Variants in POLK observed in about 807,000 individuals in gnomAD.
POLK encodes the protein DNA polymerase kappa.
Under a neutral mutation model 94.0 loss-of-function variants are expected in POLK, and 76 were observed. That is an observed-to-expected ratio of 0.81 (90% CI 0.67 to 0.98). The LOEUF is 0.98. Ranked by LOEUF, POLK falls within the 50% of genes least tolerant of loss-of-function variation. The pLI is 0.00. For missense variants in POLK, 954 were observed against 1,010.1 expected (o/e 0.94, Z 0.75); for synonymous variants, 349 against 325.4 (o/e 1.07, Z -0.78).
At chr5:75,535,977 G>C (rs935122031) in intron 1 of POLK, among the ~76,000 whole-genome samples, 12 of 152,126 alleles carry the variant, frequency 7.9e-5, no homozygotes, top group African/African-American at 2.9e-4. Context: ...AAGAACCATT[G>C]CCTGGGAACT....
chr5:75,558,757 A>T (rs1320849477), intron 3 of POLK, among the ~76,000 whole-genome samples: 2 of 152,192 alleles, frequency 1.3e-5, no homozygotes, highest in Non-Finnish European at 2.9e-5. Flanking sequence ...ATATTATTTT[A>T]AAATTGATAT....
chr5:75,554,456 TA>T (rs1208037149), intron 3 of POLK, among the ~76,000 whole-genome samples: 2 of 152,010 alleles, frequency 1.3e-5, no homozygotes, highest in African/African-American at 4.8e-5. Flanking sequence ...GTGACTTTTT[TA>T]AAAAAAGATT....
At chr5:75,593,819 G>A (rs749389456) in intron 11 of POLK, 59 bp from the exon 12 acceptor site, 4 of 1,074,662 alleles carry the variant, frequency 3.7e-6, no homozygotes, top group Non-Finnish European at 5.3e-6. Flanking sequence ...CTCCAGCATG[G>A]ACAACAGAGA....
chr5:75,577,987 T>G (rs5744657), intron 6 of POLK, among the ~76,000 whole-genome samples: 2,156 of 152,292 alleles, frequency 0.014, 24 homozygotes, highest in South Asian at 0.048. Flanking sequence ...CTGATGTCAC[T>G]TTGTATAAAA....
chr5:75,582,193 T>C (rs1772227875), intron 7 of POLK: 1 of 909,102 alleles, frequency 1.1e-6, no homozygotes, highest in Non-Finnish European at 1.3e-6. Flanking sequence ...GAAAAACAAA[T>C]TTACATATGT....
chr5:75,593,818 G>A, intron 11 of POLK, 60 bp from the exon 12 acceptor site: 3 of 1,060,138 alleles, frequency 2.8e-6, no homozygotes, highest in Non-Finnish European at 4.1e-6. Context: ...ACTCCAGCAT[G>A]GACAACAGAG....
chr5:75,511,360 C>T (rs1767984353), upstream of POLK: 28 of 1,545,948 alleles, frequency 1.8e-5, no homozygotes, highest in Non-Finnish European at 2.4e-5. Context: ...GAAGTCCGCC[C>T]GCCGCGCCGC....
chr5:75,536,008 A>G (rs1769425984), intron 1 of POLK, among the ~76,000 whole-genome samples: 1 of 152,178 alleles, frequency 6.6e-6, no homozygotes, highest in Admixed American at 6.5e-5. Context: ...TTTGGAGGTA[A>G]GAGGACACTC....
intron 10 of POLK, among the ~76,000 whole-genome samples, chr5:75,588,203 A>C (rs1198701199): frequency 6.6e-6 from 1 of 151,896 alleles, no homozygotes; most frequent in African/African-American, 2.4e-5. Context: ...TGTGTTCTCC[A>C]CTTTTTTTTT....
At chr5:75,585,674 T>C (rs1772432669) in intron 9 of POLK, among the ~76,000 whole-genome samples, 1 of 151,914 alleles carries the variant, frequency 6.6e-6, no homozygotes, top group African/African-American at 2.4e-5. Flanking sequence ...ACCCTAGAGG[T>C]AGAAGGTAAA....
chr5:75,569,115 C>T (rs1771444065), intron 3 of POLK, among the ~76,000 whole-genome samples: 1 of 152,000 alleles, frequency 6.6e-6, no homozygotes, highest in Non-Finnish European at 1.5e-5. Context: ...CATAGATAAA[C>T]ACTTATAAAC....
chr5:75,550,588 TA>T (rs1010725810), intron 2 of POLK, among the ~76,000 whole-genome samples: 9 of 150,530 alleles, frequency 6.0e-5, no homozygotes, highest in African/African-American at 2.2e-4. Flanking sequence ...CAGAAAAAGA[TA>T]AAAAAAAGAG....
intron 1 of POLK, among the ~76,000 whole-genome samples, chr5:75,544,712 A>T (rs1247325674): frequency 1.3e-5 from 2 of 152,220 alleles, no homozygotes; most frequent in African/African-American, 2.4e-5. Flanking sequence ...TATGGGCAAG[A>T]CAGCTTAAAT....
chr5:75,602,098 C>T (rs149610693), downstream of POLK, among the ~76,000 whole-genome samples: 605 of 152,258 alleles, frequency 4.0e-3, 1 homozygote, highest in South Asian at 7.3e-3. Flanking sequence ...TGGGGACATG[C>T]TTAATTCTCC....
At chr5:75,557,268 C>T (rs1770680305) in intron 3 of POLK, among the ~76,000 whole-genome samples, 1 of 152,110 alleles carries the variant, frequency 6.6e-6, no homozygotes, top group East Asian at 1.9e-4. Context: ...TAGTTTCAGT[C>T]CTTCAGTTTT....
chr5:75,522,823 A>G (rs542798062), intron 1 of POLK, among the ~76,000 whole-genome samples: 4 of 152,294 alleles, frequency 2.6e-5, no homozygotes, highest in South Asian at 2.1e-4. Context: ...GAATACATTC[A>G]TATAGTAATT....
chr5:75,562,376 C>G (rs1406957962), intron 3 of POLK, among the ~76,000 whole-genome samples: 1 of 152,162 alleles, frequency 6.6e-6, no homozygotes. Flanking sequence ...TGAGACATTG[C>G]TGAAGTTGCT....
At chr5:75,580,757 T>G (rs188050261) in intron 6 of POLK, among the ~76,000 whole-genome samples, 1 of 151,458 alleles carries the variant, frequency 6.6e-6, no homozygotes, top group East Asian at 1.9e-4. Context: ...TTTTTCCTTC[T>G]AAAAACAAAA....
At chr5:75,601,468 A>C (rs545218702), downstream of POLK, among the ~76,000 whole-genome samples, 168 of 152,310 alleles carry the variant, frequency 1.1e-3, no homozygotes, top group African/African-American at 3.8e-3. Flanking sequence ...GGTATTGCCA[A>C]AGAAGATTAA....
Sources: gnomAD v4.1 joint callset for allele counts (sites outside exome capture counted in the v4.1 genomes callset) on GRCh38, gnomAD v4.1.1 for gene constraint, MANE v1.5 for transcripts, NCBI Gene and HGNC (gene_info 2026-07-23, HGNC 2026-07-21) for gene names.